Variants in FBLN1 observed in about 807,000 individuals in gnomAD.
FBLN1 encodes the protein fibulin-1.
In FBLN1, 34 loss-of-function variants were observed where a neutral mutation model predicts 89.7. The observed-to-expected ratio is 0.38, with a 90% CI of 0.29 to 0.50. FBLN1 has a LOEUF of 0.50. Ranked by LOEUF, FBLN1 falls within the 20% of genes least tolerant of loss-of-function variation. FBLN1 has a pLI of 0.92. For missense variants in FBLN1, 777 were observed against 988.1 expected (o/e 0.79, Z 2.86); for synonymous variants, 393 against 391.3 (o/e 1.00, Z -0.05).
chr22:45,577,688 GCTCTTTCTCC>G lies in FBLN1; in HGVS notation c.1972+583_1972+592del. Among the ~76,000 whole-genome samples, 1 of 152,242 alleles carries G rather than the reference GCTCTTTCTCC, an allele frequency of 6.6e-6. No homozygotes were observed. Among genetic ancestry groups the G allele is most frequent in the Admixed American group, 6.5e-5 (1 of 15,292 alleles). On this transcript the variant is annotated intron_variant, in intron 16 of 16. Coordinates refer to ENST00000327858, the MANE Select transcript of FBLN1 (RefSeq NM_006486.3). The surrounding 1 kb of genome is among the most constrained non-coding windows in gnomAD (Gnocchi z 6.6). ...AGCCCATCTGAATGGGGAGCTCACT[GCTCTTTCTCC>G]CTGGAGATCCGGTGTTTGGGGAGCG...
At position 45,556,598 on chromosome 22, in the gene FBLN1, G is replaced by GT. The variant is rs1271941866; in HGVS notation, c.1697+5984dup. Among the ~76,000 whole-genome samples, 2 of 152,236 alleles carry GT rather than the reference G, an allele frequency of 1.3e-5. No individual in the cohort carries two copies. The highest frequency in any genetic ancestry group is 6.5e-5 in the Admixed American group (1 of 15,292). On this transcript the variant is annotated intron_variant, in intron 14 of 16. Coordinates refer to ENST00000327858, the MANE Select transcript of FBLN1 (RefSeq NM_006486.3). This position sits in a 1 kb window ranked among gnomAD's most constrained non-coding sequence, Gnocchi z 4.6. ...TGAGAGATGCCCTAATGGATCTCCT[G>GT]TATTCCATGCATACTCTAACTTATC...
rs1246530512 is a variant in FBLN1, at chr22:45,550,107, T to C, written c.1574-385T>C. On this transcript the variant is annotated intron_variant, in intron 13 of 16. Coordinates refer to ENST00000327858, the MANE Select transcript of FBLN1 (RefSeq NM_006486.3). This position sits in a 1 kb window ranked among gnomAD's most constrained non-coding sequence, Gnocchi z 8.4. The stretch of plus-strand genomic sequence containing the variant: ...TCAGCTCTGACATTTATAAAATGTG[T>C]GACCTCAGGCAGGTCTCTTAAGCTC... 2.0e-5 allele frequency among the ~76,000 whole-genome samples: 3 copies of C among 152,170 alleles called. No individual in the cohort carries two copies. The East Asian group carries it at 5.8e-4, about 29-fold the overall frequency.
At chr22:45,521,781 G>C (rs1277897220) in intron 2 of FBLN1, among the ~76,000 whole-genome samples, 1 of 152,176 alleles carries the variant, frequency 6.6e-6, no homozygotes, top group African/African-American at 2.4e-5. Context: ...TGTGGATGCG[G>C]GGTGTGGCCA....
chr22:45,523,858 A>G (rs1393739210), intron 2 of FBLN1, among the ~76,000 whole-genome samples: 2 of 152,022 alleles, frequency 1.3e-5, no homozygotes, highest in Non-Finnish European at 2.9e-5. Context: ...TTTTGGGAGG[A>G]ACTGTGCTCC....
At chr22:45,591,769 AGT>A (rs2089138388) in intron 16 of FBLN1, among the ~76,000 whole-genome samples, 1 of 151,890 alleles carries the variant, frequency 6.6e-6, no homozygotes, top group African/African-American at 2.4e-5. Context: ...AGGGCAGTAC[AGT>A]CGGGAAGTGT....
At chr22:45,544,822 T>G (rs1487867400) in intron 11 of FBLN1, among the ~76,000 whole-genome samples, 1 of 152,134 alleles carries the variant, frequency 6.6e-6, no homozygotes, top group Non-Finnish European at 1.5e-5. Context: ...CCTGGGCTGA[T>G]GGGAAGGTCA....
rs911182274 is a variant in FBLN1, at chr22:45,580,474, C to T, written c.1972+3366C>T. Among the ~76,000 whole-genome samples, 6 of 152,182 alleles carry T rather than the reference C, an allele frequency of 3.9e-5. No individual in the cohort carries two copies. The highest frequency in any genetic ancestry group is 7.3e-5 in the Non-Finnish European group (5 of 68,038). On this transcript the variant is annotated intron_variant, in intron 16 of 16. Transcript: ENST00000327858. The surrounding 1 kb of genome is among the most constrained non-coding windows in gnomAD (Gnocchi z 8.6). ...TGTCCTTGCATGTGAGGGAGTGACA[C>T]TTAGTGAGCACCTGTGATGACCAGG...
At chr22:45,540,006 C>T (rs528586250) in intron 8 of FBLN1, among the ~76,000 whole-genome samples, 1 of 152,354 alleles carries the variant, frequency 6.6e-6, no homozygotes, top group South Asian at 2.1e-4. Context: ...GTGGCAACCA[C>T]TCAACTCTGC....
intron 14 of FBLN1, among the ~76,000 whole-genome samples, chr22:45,560,106 C>T (rs1268170017): frequency 7.6e-6 from 1 of 132,350 alleles, no homozygotes; most frequent in Non-Finnish European, 1.7e-5. Flanking sequence ...AATGCCAGAG[C>T]TCTACACGAG....
chr22:45,519,342 C>T (rs1056252682), intron 2 of FBLN1, among the ~76,000 whole-genome samples: 6 of 152,042 alleles, frequency 3.9e-5, no homozygotes, highest in African/African-American at 9.7e-5. Context: ...AATGAGAAGC[C>T]GGGCGCGGTG....
chr22:45,518,252 C>G (rs2088197741), intron 1 of FBLN1, among the ~76,000 whole-genome samples: 1 of 152,162 alleles, frequency 6.6e-6, no homozygotes, highest in Non-Finnish European at 1.5e-5. Context: ...TCGGCTGTTC[C>G]CTGACCTGCT....
chr22:45,522,496 T>C lies in FBLN1; in HGVS notation c.186-3047T>C, dbSNP rs76435546. ...TCCATAGGGCCCAAAGGAGGGGGTATCAGCTCCCTGAGTGGGTGAGAGGCT... is the reference window on the plus strand; with the variant it reads ...TCCATAGGGCCCAAAGGAGGGGGTACCAGCTCCCTGAGTGGGTGAGAGGCT... On this transcript the variant is annotated intron_variant, in intron 2 of 16. Coordinates refer to ENST00000327858, the MANE Select transcript of FBLN1 (RefSeq NM_006486.3). 6.9e-3 allele frequency among the ~76,000 whole-genome samples: 1,052 copies of C among 152,210 alleles called. 16 individuals are homozygous for C. The highest frequency in any genetic ancestry group is 0.024 in the African/African-American group (1,015 of 41,516).
chr22:45,553,596 C>G (rs2088734534), intron 14 of FBLN1, among the ~76,000 whole-genome samples: 1 of 152,238 alleles, frequency 6.6e-6, no homozygotes, highest in African/African-American at 2.4e-5. Context: ...CCAGGAAAAT[C>G]AAGGACATGT....
rs908988197 is a variant in FBLN1, at chr22:45,530,052, G to T, written c.485-1213G>T. Among the ~76,000 whole-genome samples the T allele has an allele frequency of 6.6e-6, 1 of 150,440 alleles. No homozygotes were observed. Among genetic ancestry groups the T allele is most frequent in the Non-Finnish European group, 1.5e-5 (1 of 67,860 alleles). ...TAGGGCCCCTGGTCACAGAGGACCC[G>T]GGTCACCCGGGACTCATCTTTCACT... On this transcript the variant is annotated intron_variant, in intron 4 of 16. Coordinates refer to ENST00000327858, the MANE Select transcript of FBLN1 (RefSeq NM_006486.3). The surrounding 1 kb of genome is among the most constrained non-coding windows in gnomAD (Gnocchi z 5.4).
At chr22:45,515,467 G>C (rs1289160084) in intron 1 of FBLN1, among the ~76,000 whole-genome samples, 1 of 152,118 alleles carries the variant, frequency 6.6e-6, no homozygotes, top group Non-Finnish European at 1.5e-5. Context: ...TGAGAGTGAG[G>C]TTCACAGTAC....
chr22:45,515,318 C>T lies in FBLN1; in HGVS notation c.80-3364C>T, dbSNP rs185355966. Among the ~76,000 whole-genome samples, 16 of 152,284 alleles carry T rather than the reference C, an allele frequency of 1.1e-4. No homozygotes were observed. The South Asian group carries it at 1.5e-3, about 14-fold the overall frequency. On this transcript the variant is annotated intron_variant, in intron 1 of 16. Transcript: ENST00000327858. ...GCAGGAGCTCTCCCTTGGCTAATGACGGGGTGAGCTCAGCTCCCCTCGGGC... is the reference window on the plus strand; with the variant it reads ...GCAGGAGCTCTCCCTTGGCTAATGATGGGGTGAGCTCAGCTCCCCTCGGGC...
chr22:45,566,419 C>T (rs1463702196), intron 14 of FBLN1, among the ~76,000 whole-genome samples: 1 of 152,202 alleles, frequency 6.6e-6, no homozygotes, highest in African/African-American at 2.4e-5. Context: ...GACCTGAGTG[C>T]TCACCCCTGT....
At chr22:45,544,816 G>A (rs1396392722) in intron 11 of FBLN1, among the ~76,000 whole-genome samples, 4 of 152,168 alleles carry the variant, frequency 2.6e-5, no homozygotes, top group Admixed American at 6.5e-5. Context: ...CAACCTCCTG[G>A]GCTGATGGGA....
Position 45,557,577 on chromosome 22 carries a change from G to T in FBLN1, c.1697+6962G>T, listed in dbSNP as rs775362019. Among the ~76,000 whole-genome samples the T allele has an allele frequency of 2.6e-5, 4 of 152,164 alleles. No individual in the cohort carries two copies. Among genetic ancestry groups the T allele is most frequent in the African/African-American group, 4.8e-5 (2 of 41,428 alleles). Reference sequence around the variant, plus strand: ...GCCACTTTGTTCATGGGTCCATTGGGCAATGACAGGGGTGGCTGGGGAAAG... The same window carrying T: ...GCCACTTTGTTCATGGGTCCATTGGTCAATGACAGGGGTGGCTGGGGAAAG... On this transcript the variant is annotated intron_variant, in intron 14 of 16. Coordinates refer to ENST00000327858, the MANE Select transcript of FBLN1 (RefSeq NM_006486.3). The surrounding 1 kb of genome is among the most constrained non-coding windows in gnomAD (Gnocchi z 4.9).
Sources: gnomAD v4.1 joint callset for allele counts (sites outside exome capture counted in the v4.1 genomes callset) on GRCh38, gnomAD v4.1.1 for gene constraint, Gnocchi (gnomAD v3.1) non-coding constraint, MANE v1.5 for transcripts, NCBI Gene and HGNC (gene_info 2026-07-23, HGNC 2026-07-21) for gene names.